Variants in ARL4D observed in about 807,000 individuals in gnomAD.
ARL4D encodes ARF like GTPase 4D, also known as ADP-ribosylation factor-like protein 4D.
In ARL4D, 1 loss-of-function variant was observed where a neutral mutation model predicts 0.6. The ratio of observed to expected loss-of-function variants is 1.64; its 90% CI spans 0.58 to 7.76. The LOEUF is 7.76. ARL4D is among the 30% of genes most tolerant of loss of function. The pLI is 0.14. For missense variants in ARL4D, 230 were observed against 264.5 expected, an observed-to-expected ratio of 0.87 and a Z score of 0.90; for synonymous variants, 102 against 115.2, an observed-to-expected ratio of 0.89 and a Z score of 0.73.
In ARL4D at chr17:43,400,083, C is replaced by T; in HGVS notation, c.351C>T (p.His117=). The T allele has an allele frequency of 1.9e-6, 3 of 1,612,458 alleles. No individual in the cohort carries two copies. The highest frequency in any genetic ancestry group is 2.5e-6 in the Non-Finnish European group (3 of 1,179,976). ...TGGAGGAAGCCAAGGTGGAGTTGCA[C>T]CGAATCAGCCGGGCCTCGGACAACC... is the stretch of plus-strand genomic sequence containing the variant. The part of the protein sequence containing the change: ...ERLEEAKVEL[H]RISRASDNQG... Residue 117 remains histidine, a synonymous_variant, in exon 2 of 2, where the codon CAC becomes CAT. Transcript: ENST00000320033.
chr17:43,399,029 G>T lies in ARL4D; in HGVS notation c.-137G>T, dbSNP rs3179285. 0.045 allele frequency: 6,933 copies of T among 152,516 alleles called. 155 individuals are homozygous for T. Among genetic ancestry groups the T allele is most frequent in the Non-Finnish European group, 0.052 (3,561 of 68,184 alleles). The allele number at this position is 152,516 out of a possible 1,614,324, so 9.4% of individuals were successfully genotyped here. A position where few individuals can be genotyped will look rare whatever the true frequency, so the allele number is the denominator to read the frequency against. ...TTGGAGGCGCGGTGGGTGTCTGCGGGGGTCTCGCGGGGCGGCTGCGGTGTT... is the reference window on the plus strand; with the variant it reads ...TTGGAGGCGCGGTGGGTGTCTGCGGTGGTCTCGCGGGGCGGCTGCGGTGTT... On this transcript the variant is annotated 5_prime_UTR_variant, in exon 1 of 2. Transcript: ENST00000320033.
chr17:43,399,583 G>T, intron 1 of ARL4D, 78 bp from the exon 2 acceptor site: 1 of 981,846 alleles, frequency 1.0e-6, no homozygotes, highest in Non-Finnish European at 1.5e-6. Context: ...GGTGATTTAG[G>T]AAGGGATCAA....
In ARL4D at chr17:43,400,364, C is replaced by G; in HGVS notation, c.*26C>G. The G allele has an allele frequency of 6.4e-7, 1 of 1,554,256 alleles. No homozygotes were observed. The highest frequency in any genetic ancestry group is 8.7e-7 in the Non-Finnish European group (1 of 1,150,560). ...CCCAAGCCCCCCCTCCCTTTCCTCC[C>G]ACCTAGTAGGGGTCTGCACACTTGG... On this transcript the variant is annotated 3_prime_UTR_variant, in exon 2 of 2. Transcript: ENST00000320033.
chr17:43,399,678 C>T lies in ARL4D; in HGVS notation c.-55C>T, dbSNP rs1275693490. ...TGGTTCAGATAACCCAGCTGTGCTC[C>T]CTGGAACCTTCAATTTCAAGGCCTC... On this transcript the variant is annotated 5_prime_UTR_variant, in exon 2 of 2. Transcript: ENST00000320033. 14 of 1,562,912 alleles carry T rather than the reference C, an allele frequency of 9.0e-6. No individual in the cohort carries two copies. In the East Asian group the frequency reaches 2.7e-4, roughly 30 times the overall value.
chr17:43,400,607 G>A lies in ARL4D; in HGVS notation c.*269G>A, dbSNP rs1168303763. On this transcript the variant is annotated 3_prime_UTR_variant, in exon 2 of 2. Coordinates refer to ENST00000320033, the MANE Select transcript of ARL4D (RefSeq NM_001661.4). ...TAAATGTAAACTGTGACTCTACCTC[G>A]ACCCTGTTTCTTATTTTTCTTCTCT... 8 of 369,482 alleles carry A rather than the reference G, an allele frequency of 2.2e-5. No individual in the cohort carries two copies. The highest frequency in any genetic ancestry group is 4.1e-5 in the Non-Finnish European group (8 of 197,288). 22.9% of individuals were successfully genotyped at this position (369,482 alleles called of 1,614,324 possible).
chr17:43,399,654 G>T lies in ARL4D; in HGVS notation c.-72-7G>T. 6 of 1,500,174 alleles carry T rather than the reference G, an allele frequency of 4.0e-6. No homozygotes were observed. Among genetic ancestry groups the T allele is most frequent in the Non-Finnish European group, 4.5e-6 (5 of 1,120,302 alleles). 92.9% of individuals were successfully genotyped at this position (1,500,174 alleles called of 1,614,324 possible). On this transcript the variant is annotated splice_polypyrimidine_tract_variant and splice_region_variant and intron_variant, in intron 1 of 1. Coordinates refer to ENST00000320033, the MANE Select transcript of ARL4D (RefSeq NM_001661.4). ...CCTTTTTCTCCCATGACCTTTTCTT[G>T]GTTCAGATAACCCAGCTGTGCTCCC...
Position 43,400,620 on chromosome 17 carries a change from AT to A in ARL4D, c.*287del. 3.2e-6 allele frequency: 1 copy of A among 313,114 alleles called. No individual in the cohort carries two copies. The highest frequency in any genetic ancestry group is 9.1e-5 in the South Asian group (1 of 10,968). 19.4% of individuals were successfully genotyped at this position (313,114 alleles called of 1,614,324 possible). ...TGACTCTACCTCGACCCTGTTTCTT[AT>A]TTTTCTTCTCTGGCTAAAAATTTTT... On this transcript the variant is annotated 3_prime_UTR_variant, in exon 2 of 2. Coordinates refer to ENST00000320033, the MANE Select transcript of ARL4D (RefSeq NM_001661.4).
In ARL4D at chr17:43,399,675, C is replaced by G; in HGVS notation, c.-58C>G. On this transcript the variant is annotated 5_prime_UTR_variant, in exon 2 of 2. Coordinates refer to ENST00000320033, the MANE Select transcript of ARL4D (RefSeq NM_001661.4). ...TCTTGGTTCAGATAACCCAGCTGTG[C>G]TCCCTGGAACCTTCAATTTCAAGGC... 2 of 1,543,770 alleles carry G rather than the reference C, an allele frequency of 1.3e-6. No homozygotes were observed. The highest frequency in any genetic ancestry group is 1.7e-6 in the Non-Finnish European group (2 of 1,145,822).
Position 43,399,694 on chromosome 17 carries a change from T to C in ARL4D, c.-39T>C. 1 of 1,574,756 alleles carries C rather than the reference T, an allele frequency of 6.4e-7. No homozygotes were observed. The highest frequency in any genetic ancestry group is 8.6e-7 in the Non-Finnish European group (1 of 1,158,576). On this transcript the variant is annotated 5_prime_UTR_variant, in exon 2 of 2. Transcript: ENST00000320033. ...GCTGTGCTCCCTGGAACCTTCAATTTCAAGGCCTCCCTGCCTCTACTAGGC... is the reference window on the plus strand; with the variant it reads ...GCTGTGCTCCCTGGAACCTTCAATTCCAAGGCCTCCCTGCCTCTACTAGGC...
At position 43,399,853 on chromosome 17, in the gene ARL4D, C is replaced by T. The variant is rs750148648; in HGVS notation, c.121C>T (p.Leu41Phe). 1.2e-6 allele frequency: 2 copies of T among 1,614,088 alleles called. No homozygotes were observed. The change falls in exon 2 of 2, where the codon CTC becomes TTC. Residue 41 changes from leucine (L) to phenylalanine (F), a missense_variant. Coordinates refer to ENST00000320033, the MANE Select transcript of ARL4D (RefSeq NM_001661.4). ...TGGAAAGACCTCCCTCCTTTACCGCCTCAAGTTCAAGGAGTTTGTCCAGAG... is the reference window on the plus strand; with the variant it reads ...TGGAAAGACCTCCCTCCTTTACCGCTTCAAGTTCAAGGAGTTTGTCCAGAG... ...SAGKTSLLYR[L>F]KFKEFVQSVP...
rs140485087 is a variant in ARL4D, at chr17:43,399,228, G to A, written c.-73+135G>A. The A allele has an allele frequency of 7.2e-3, 1,149 of 159,722 alleles. 8 individuals are homozygous for A. The highest frequency in any genetic ancestry group is 0.011 in the Non-Finnish European group (792 of 71,896). The allele number at this position is 159,722 out of a possible 1,614,324, so 9.9% of individuals were successfully genotyped here. On this transcript the variant is annotated intron_variant, in intron 1 of 1. Coordinates refer to ENST00000320033, the MANE Select transcript of ARL4D (RefSeq NM_001661.4). ...GGGCGAGGGTCGCGGAGTAAGGAAG[G>A]GCACCGTGTCAACGGCTTGGGGCTG...
rs1364966742 is a variant in ARL4D at position 43,399,061 on chromosome 17, G to A, written c.-105G>A. ...GCGGGGCGGCTGCGGTGTTTCACCG[G>A]GAAAGGCTCGAGGAGAGCGCGGCTC... On this transcript the variant is annotated 5_prime_UTR_variant, in exon 1 of 2. Transcript: ENST00000320033. 2.0e-5 allele frequency: 3 copies of A among 152,444 alleles called. No homozygotes were observed. The highest frequency in any genetic ancestry group is 1.9e-4 in the East Asian group (1 of 5,192). 9.4% of individuals were successfully genotyped at this position (152,444 alleles called of 1,614,324 possible).
At position 43,399,893 on chromosome 17, in the gene ARL4D, G is replaced by C. The variant is rs2058080738; in HGVS notation, c.161G>C (p.Gly54Ala). The stretch of plus-strand genomic sequence containing the variant: ...TTTGTCCAGAGTGTCCCCACCAAAG[G>C]CTTCAACACCGAGAAGATCCGGGTG... ...KEFVQSVPTK[G>A]FNTEKIRVPL... The change falls in exon 2 of 2, where the codon GGC (glycine) becomes GCC (alanine). Residue 54 changes from glycine (G) to alanine (A), a missense_variant. By Grantham distance (60) the Gly-to-Ala change is moderately conservative. Transcript: ENST00000320033. 5 of 1,613,922 alleles carry C rather than the reference G, an allele frequency of 3.1e-6. No homozygotes were observed. The highest frequency in any genetic ancestry group is 1.3e-5 in the African/African-American group (1 of 74,882).
intron 1 of ARL4D, among the ~76,000 whole-genome samples, 196 bp from the exon 2 acceptor site, chr17:43,399,465 G>A (rs530074265): frequency 7.3e-5 from 11 of 150,570 alleles, no homozygotes; most frequent in Non-Finnish European, 1.3e-4. Context: ...AGTCTCTCTA[G>A]GTCCCATCGC....
rs1218897518 is a variant in ARL4D, at chr17:43,400,938, C to T, written c.*600C>T. 1 of 167,102 alleles carries T rather than the reference C, an allele frequency of 6.0e-6. No individual in the cohort carries two copies. The highest frequency in any genetic ancestry group is 1.5e-5 in the Non-Finnish European group (1 of 68,170). The allele number at this position is 167,102 out of a possible 1,614,324, so 10.4% of individuals were successfully genotyped here. On this transcript the variant is annotated 3_prime_UTR_variant, in exon 2 of 2. Coordinates refer to ENST00000320033, the MANE Select transcript of ARL4D (RefSeq NM_001661.4). ...TTATTAAAGACTGATAACTGTAGCT[C>T]TTACCTTGGTCTGGGGCATTTTCCT...
In ARL4D at chr17:43,399,689, C is replaced by T; in HGVS notation, c.-44C>T. 1 of 1,570,996 alleles carries T rather than the reference C, an allele frequency of 6.4e-7. No homozygotes were observed. Among genetic ancestry groups the T allele is most frequent in the African/African-American group, 1.4e-5 (1 of 73,486 alleles). On this transcript the variant is annotated 5_prime_UTR_variant, in exon 2 of 2. Transcript: ENST00000320033. ...ACCCAGCTGTGCTCCCTGGAACCTT[C>T]AATTTCAAGGCCTCCCTGCCTCTAC...
rs911312917 is a variant in ARL4D, at chr17:43,400,101, G to A, written c.369G>A (p.Ser123=). 16 of 1,611,174 alleles carry A rather than the reference G, an allele frequency of 9.9e-6. No individual in the cohort carries two copies. The highest frequency in any genetic ancestry group is 5.0e-5 in the Admixed American group (3 of 59,988). ...AGTTGCACCGAATCAGCCGGGCCTCGGACAACCAGGGCGTGCCAGTGCTGG... is the reference window on the plus strand; with the variant it reads ...AGTTGCACCGAATCAGCCGGGCCTCAGACAACCAGGGCGTGCCAGTGCTGG... ...KVELHRISRA[S]DNQGVPVLVL... is the part of the protein sequence containing the mutation. The change falls in exon 2 of 2, where the codon TCG becomes TCA. Residue 123 remains serine (S), a synonymous_variant. Coordinates refer to ENST00000320033, the MANE Select transcript of ARL4D (RefSeq NM_001661.4).
rs769598616 is a variant in ARL4D at position 43,400,364 on chromosome 17, C to T, written c.*26C>T. On this transcript the variant is annotated 3_prime_UTR_variant, in exon 2 of 2. Transcript: ENST00000320033. ...CCCAAGCCCCCCCTCCCTTTCCTCC[C>T]ACCTAGTAGGGGTCTGCACACTTGG... 3.2e-6 allele frequency: 5 copies of T among 1,554,258 alleles called. No homozygotes were observed. The highest frequency in any genetic ancestry group is 3.5e-6 in the Non-Finnish European group (4 of 1,150,562).
chr17:43,399,378 C>T (rs2058077976), intron 1 of ARL4D, among the ~76,000 whole-genome samples: 1 of 151,992 alleles, frequency 6.6e-6, no homozygotes, highest in Non-Finnish European at 1.5e-5. Flanking sequence ...GCGCCATAAG[C>T]TCTGAGAAGA....
Sources: allele counts gnomAD v4.1 joint callset (sites outside exome capture counted in the v4.1 genomes callset), GRCh38; gene constraint gnomAD v4.1.1; transcripts MANE v1.5; gene names NCBI Gene and HGNC (gene_info 2026-07-23, HGNC 2026-07-21).